FGGY: variants seen among roughly 807,000 people sequenced by gnomAD.
The protein encoded by FGGY is FGGY carbohydrate kinase domain-containing protein.
Under a neutral mutation model 71.3 loss-of-function variants are expected in FGGY, and 72 were observed. That is an observed-to-expected ratio of 1.01 (90% CI 0.84 to 1.23). The LOEUF is 1.23. Among genes scored for constraint, FGGY ranks in the 50% most tolerant of loss-of-function variants. The probability of loss-of-function intolerance (pLI) is 0.00; values close to 1 mark genes in which losing one functional copy is unlikely to be tolerated. For missense variants in FGGY, 668 were observed against 682.3 expected (o/e 0.98, Z 0.23); for synonymous variants, 251 against 250.3 (o/e 1.00, Z -0.02).
chr1:59,506,659 C>T (rs545515937), intron 6 of FGGY, among the ~76,000 whole-genome samples: 2 of 152,108 alleles, frequency 1.3e-5, no homozygotes, highest in Admixed American at 6.5e-5. Context: ...ATTAGCCAGC[C>T]GTGCTGGCGT....
intron 14 of FGGY, among the ~76,000 whole-genome samples, chr1:59,674,992 G>T (rs1261050377): frequency 1.3e-5 from 2 of 152,114 alleles, no homozygotes; most frequent in African/African-American, 4.8e-5. Flanking sequence ...AATTGACAGC[G>T]CATCGTGAGT....
At chr1:59,383,716 G>T (rs994000001) in intron 5 of FGGY, among the ~76,000 whole-genome samples, 1 of 152,144 alleles carries the variant, frequency 6.6e-6, no homozygotes, top group Non-Finnish European at 1.5e-5. Flanking sequence ...TCCTAACCCA[G>T]ACATTCTTTT....
intron 11 of FGGY, among the ~76,000 whole-genome samples, chr1:59,639,501 A>G (rs1192189983): frequency 6.6e-6 from 1 of 152,196 alleles, no homozygotes; most frequent in Non-Finnish European, 1.5e-5. Context: ...GCAGAAGAAT[A>G]ATGTCCAGAG....
intron 14 of FGGY, among the ~76,000 whole-genome samples, chr1:59,689,168 T>A (rs1269634037): frequency 6.6e-6 from 1 of 152,142 alleles, no homozygotes; most frequent in Non-Finnish European, 1.5e-5. Flanking sequence ...TGTTGCATAA[T>A]CTACTCTCTG....
intron 9 of FGGY, among the ~76,000 whole-genome samples, chr1:59,611,135 G>A (rs1186974959): frequency 1.3e-5 from 2 of 152,190 alleles, no homozygotes; most frequent in African/African-American, 4.8e-5. Context: ...ACACTTAAAC[G>A]TCCCTGTCTG....
At chr1:59,497,673 C>A (rs1429107297) in intron 6 of FGGY, among the ~76,000 whole-genome samples, 3 of 152,196 alleles carry the variant, frequency 2.0e-5, no homozygotes, top group African/African-American at 7.2e-5. Flanking sequence ...TTCTGTTCAG[C>A]CGTAGGCCTC....
chr1:59,653,432 C>G lies in FGGY; in HGVS notation c.1222-6787C>G, dbSNP rs576312510. ...TCTGTGGGCGTAGGACCCTCCGAGCCAGGTGTGGGATATAGTCTCGTGGTT... is the reference window on the plus strand; with the variant it reads ...TCTGTGGGCGTAGGACCCTCCGAGCGAGGTGTGGGATATAGTCTCGTGGTT... On this transcript the variant is annotated intron_variant, in intron 11 of 15. Coordinates refer to ENST00000303721, the MANE Select transcript of FGGY (RefSeq NM_018291.5). 1.7e-3 allele frequency among the ~76,000 whole-genome samples: 259 copies of G among 151,834 alleles called. 1 individual carries two copies. The highest frequency in any genetic ancestry group is 6.0e-3 in the African/African-American group (248 of 41,136).
intron 4 of FGGY, among the ~76,000 whole-genome samples, chr1:59,364,450 T>C (rs1320915639): frequency 6.6e-6 from 1 of 152,222 alleles, no homozygotes; most frequent in African/African-American, 2.4e-5. Flanking sequence ...ACAACCTCAT[T>C]CATTTATCCA....
chr1:59,301,659 A>C (rs527643327), intron 1 of FGGY, among the ~76,000 whole-genome samples: 1 of 151,522 alleles, frequency 6.6e-6, no homozygotes, highest in South Asian at 2.1e-4. Context: ...TAAAGGAATA[A>C]TGGAAGTTGT....
At chr1:59,474,720 T>C (rs1281114065) in intron 6 of FGGY, among the ~76,000 whole-genome samples, 1 of 152,234 alleles carries the variant, frequency 6.6e-6, no homozygotes, top group East Asian at 1.9e-4. Context: ...AGGAACACAC[T>C]GATCAAGCCC....
intron 14 of FGGY, among the ~76,000 whole-genome samples, chr1:59,742,400 C>G (rs910144142): frequency 2.0e-5 from 3 of 152,236 alleles, no homozygotes; most frequent in Admixed American, 1.3e-4. Flanking sequence ...TTGAAACACG[C>G]TTCCACTGAC....
chr1:59,471,135 T>G (rs1479419410), intron 6 of FGGY, among the ~76,000 whole-genome samples: 1 of 152,148 alleles, frequency 6.6e-6, no homozygotes, highest in African/African-American at 2.4e-5. Flanking sequence ...GGGGGAGACT[T>G]GGTGGGAGGT....
chr1:59,666,327 C>T (rs1204410030), intron 12 of FGGY, among the ~76,000 whole-genome samples: 1 of 152,222 alleles, frequency 6.6e-6, no homozygotes, highest in Non-Finnish European at 1.5e-5. Flanking sequence ...TTTTCTGGAG[C>T]CCCTTTCTCA....
At chr1:59,726,667 A>G (rs2097951776) in intron 14 of FGGY, among the ~76,000 whole-genome samples, 1 of 152,124 alleles carries the variant, frequency 6.6e-6, no homozygotes, top group Admixed American at 6.5e-5. Context: ...TTTGTCTTTC[A>G]AAGAAGTAGT....
intron 9 of FGGY, among the ~76,000 whole-genome samples, chr1:59,617,898 T>C (rs971022510): frequency 2.0e-5 from 3 of 152,074 alleles, no homozygotes; most frequent in Non-Finnish European, 2.9e-5. Flanking sequence ...ACATTGTGAG[T>C]GTCTATCTGC....
chr1:59,407,774 C>T (rs2062985598), intron 5 of FGGY, among the ~76,000 whole-genome samples: 1 of 152,154 alleles, frequency 6.6e-6, no homozygotes, highest in African/African-American at 2.4e-5. Flanking sequence ...GTATTTTCCT[C>T]AAGCCATGGC....
intron 14 of FGGY, among the ~76,000 whole-genome samples, chr1:59,678,828 A>C (rs1481160791): frequency 6.6e-6 from 1 of 152,246 alleles, no homozygotes; most frequent in Non-Finnish European, 1.5e-5. Flanking sequence ...CAGTGACAAG[A>C]GATCAAAATG....
intron 7 of FGGY, among the ~76,000 whole-genome samples, chr1:59,516,461 G>T (rs2094654703): frequency 6.6e-6 from 1 of 152,216 alleles, no homozygotes; most frequent in Non-Finnish European, 1.5e-5. Flanking sequence ...GCTAATCCCT[G>T]AGACATATTG....
At chr1:59,487,109 T>C (rs1178007364) in intron 6 of FGGY, among the ~76,000 whole-genome samples, 1 of 151,956 alleles carries the variant, frequency 6.6e-6, no homozygotes, top group African/African-American at 2.4e-5. Context: ...GGTATTAGGG[T>C]CAGATGTAGC....
Sources: allele counts gnomAD v4.1 joint callset (sites outside exome capture counted in the v4.1 genomes callset), GRCh38; gene constraint gnomAD v4.1.1; transcripts MANE v1.5; gene names NCBI Gene and HGNC (gene_info 2026-07-23, HGNC 2026-07-21).